The following CGNL1 variants were observed in gnomAD, a reference collection of about 807,000 sequenced individuals.
CGNL1 encodes the protein cingulin like 1.
CGNL1 carries 132 observed loss-of-function variants against 141.2 expected under a neutral mutation model. The ratio of observed to expected loss-of-function variants is 0.93; its 90% CI spans 0.81 to 1.08. The LOEUF is 1.08. CGNL1 is among the 50% of genes least tolerant of loss of function. The probability of loss-of-function intolerance (pLI) is 0.00; values close to 1 mark genes in which losing one functional copy is unlikely to be tolerated. For synonymous variants in CGNL1, 690 were observed against 622.1 expected (o/e 1.11, Z -1.63); for missense variants, 1,870 against 1,588.6 (o/e 1.18, Z -3.01).
chr15:57,507,214 A>T, intron 8 of CGNL1, among the ~76,000 whole-genome samples: 1 of 152,244 alleles, frequency 6.6e-6, no homozygotes, highest in Admixed American at 6.5e-5. Flanking sequence ...GTGTTTCGGA[A>T]AAATCAAATC....
At chr15:57,490,585 A>C (rs1364296536) in intron 8 of CGNL1, among the ~76,000 whole-genome samples, 1 of 152,232 alleles carries the variant, frequency 6.6e-6, no homozygotes, top group Non-Finnish European at 1.5e-5. Flanking sequence ...AAATGAATAC[A>C]TAAATGGGGA....
At chr15:57,517,601 T>C (rs2030915550) in intron 9 of CGNL1, among the ~76,000 whole-genome samples, 1 of 152,090 alleles carries the variant, frequency 6.6e-6, no homozygotes, top group Non-Finnish European at 1.5e-5. Context: ...GGCTGAGAAG[T>C]CTAATATTAA....
intron 11 of CGNL1, 72 bp from the exon 12 acceptor site, chr15:57,524,509 T>C: frequency 1.5e-6 from 2 of 1,345,080 alleles, no homozygotes; most frequent in East Asian, 2.3e-5. Flanking sequence ...ATGTGCTGTG[T>C]GTTGAAATGG....
At chr15:57,528,574 G>A in intron 12 of CGNL1, 80 bp from the exon 13 acceptor site, 1 of 1,440,854 alleles carries the variant, frequency 6.9e-7, no homozygotes, top group Non-Finnish European at 9.5e-7. Context: ...TTTTGGTGGG[G>A]TCAGCCTGTG....
chr15:57,439,052 T>A lies in CGNL1; in HGVS notation c.1053T>A (p.Pro351=), dbSNP rs1443043856. ...TGRDIDTGSI[P]GVDQLIEKFD... Reference sequence around the variant, plus strand: ...GGGATATTGATACAGGATCAATTCCTGGTGTGGATCAGTTAATTGAAAAAT... The same window carrying A: ...GGGATATTGATACAGGATCAATTCCAGGTGTGGATCAGTTAATTGAAAAAT... The change falls in exon 2 of 19, where the codon CCT becomes CCA. Residue 351 remains proline (P), a synonymous_variant. Coordinates refer to ENST00000281282, the MANE Select transcript of CGNL1 (RefSeq NM_032866.5). 1 of 1,614,228 alleles carries A rather than the reference T, an allele frequency of 6.2e-7. No individual in the cohort carries two copies. The highest frequency in any genetic ancestry group is 2.2e-5 in the East Asian group (1 of 44,888).
chr15:57,525,149 A>T (rs957840349), intron 12 of CGNL1, among the ~76,000 whole-genome samples: 14 of 152,346 alleles, frequency 9.2e-5, no homozygotes, highest in Admixed American at 3.9e-4. Context: ...ATTTTTGAAA[A>T]TACAGACTTT....
chr15:57,377,782 A>G (rs1802053244), intron 1 of CGNL1, among the ~76,000 whole-genome samples: 2 of 152,182 alleles, frequency 1.3e-5, no homozygotes, highest in African/African-American at 4.8e-5. Flanking sequence ...GGGTTGTCCT[A>G]TTCAGGGAAA....
At chr15:57,453,647 A>G in intron 6 of CGNL1, 36 bp from the exon 7 acceptor site, 4 of 1,611,418 alleles carry the variant, frequency 2.5e-6, no homozygotes, top group Non-Finnish European at 3.4e-6. Context: ...AGCAGAGCCC[A>G]GAAGAGCCTG....
chr15:57,538,108 A>T (rs1378368979), intron 14 of CGNL1, among the ~76,000 whole-genome samples: 1 of 152,240 alleles, frequency 6.6e-6, no homozygotes, highest in Non-Finnish European at 1.5e-5. Flanking sequence ...GGATCACTGC[A>T]CTGAGGACAG....
chr15:57,432,869 T>C (rs1276253907), intron 1 of CGNL1, among the ~76,000 whole-genome samples: 2 of 152,248 alleles, frequency 1.3e-5, no homozygotes, highest in Admixed American at 1.3e-4. Context: ...TGTGGATTAA[T>C]TGACCAACAG....
intron 4 of CGNL1, among the ~76,000 whole-genome samples, chr15:57,447,880 A>G (rs987931616): frequency 1.8e-4 from 27 of 150,730 alleles, no homozygotes; most frequent in Non-Finnish European, 4.4e-5. Context: ...TATTCTGGAT[A>G]TTTTCTATTG....
chr15:57,464,948 C>T (rs113390809), intron 8 of CGNL1, among the ~76,000 whole-genome samples: 3 of 151,942 alleles, frequency 2.0e-5, no homozygotes, highest in Non-Finnish European at 2.9e-5. Flanking sequence ...GATGGGCTTT[C>T]GTCGTGTTGA....
intron 1 of CGNL1, among the ~76,000 whole-genome samples, chr15:57,384,122 G>A (rs2062457134): frequency 6.6e-6 from 1 of 152,028 alleles, no homozygotes; most frequent in African/African-American, 2.4e-5. Context: ...GAAATAGTGG[G>A]TAGGAGATAA....
chr15:57,450,337 C>G (rs1312761516), intron 4 of CGNL1, among the ~76,000 whole-genome samples: 2 of 152,198 alleles, frequency 1.3e-5, no homozygotes, highest in Non-Finnish European at 2.9e-5. Flanking sequence ...AGTGCAGTAG[C>G]ATGATCTTGG....
intron 1 of CGNL1, among the ~76,000 whole-genome samples, chr15:57,422,952 G>A (rs1293290778): frequency 6.6e-6 from 1 of 152,130 alleles, no homozygotes. Flanking sequence ...TTTGCCTTGA[G>A]AATGTGATTT....
At chr15:57,386,698 C>G (rs941214799) in intron 1 of CGNL1, among the ~76,000 whole-genome samples, 1 of 152,156 alleles carries the variant, frequency 6.6e-6, no homozygotes, top group South Asian at 2.1e-4. Context: ...AGGATAACGA[C>G]AGTGACGACG....
At chr15:57,488,687 T>A (rs549313545) in intron 8 of CGNL1, among the ~76,000 whole-genome samples, 1 of 152,220 alleles carries the variant, frequency 6.6e-6, no homozygotes, top group Non-Finnish European at 1.5e-5. Flanking sequence ...GAGCTAGGCA[T>A]GAACCTTTCG....
In CGNL1 at chr15:57,453,721, C is replaced by A. The variant is rs1387123917; in HGVS notation, c.2093C>A (p.Thr698Asn). The change falls in exon 7 of 19, where the codon ACT becomes AAT. Residue 698 changes from threonine to asparagine, a missense_variant. Coordinates refer to ENST00000281282, the MANE Select transcript of CGNL1 (RefSeq NM_032866.5). ...QVKMEREQHQ[T>N]EIRDLQDQLS... ...AAGATGGAACGGGAGCAGCATCAGA[C>A]TGAGATCAGGGATCTCCAGGACCAG... is the stretch of plus-strand genomic sequence containing the variant. 1 of 1,613,990 alleles carries A rather than the reference C, an allele frequency of 6.2e-7. No homozygotes were observed. The highest frequency in any genetic ancestry group is 8.5e-7 in the Non-Finnish European group (1 of 1,179,934).
intron 1 of CGNL1, chr15:57,407,203 T>C (rs1289653527): frequency 6.6e-6 from 1 of 152,242 alleles, no homozygotes; most frequent in African/African-American, 2.4e-5. Flanking sequence ...GTCTCTTGGC[T>C]GACTTGCTAT....
Sources: allele counts gnomAD v4.1 joint callset (sites outside exome capture counted in the v4.1 genomes callset), GRCh38; gene constraint gnomAD v4.1.1; transcripts MANE v1.5; gene names NCBI Gene and HGNC (gene_info 2026-07-23, HGNC 2026-07-21).